ESPL1: variants seen among roughly 807,000 people sequenced by gnomAD.
ESPL1 encodes the protein separin.
In ESPL1, 50 loss-of-function variants were observed where a neutral mutation model predicts 217.2. That is an observed-to-expected ratio of 0.23 (90% confidence interval 0.18 to 0.29). The LOEUF (loss-of-function observed/expected upper bound fraction) is 0.29. ESPL1 is among the 10% of genes least tolerant of loss of function. The probability of loss-of-function intolerance (pLI) is 1.00; values close to 1 mark genes in which losing one functional copy is unlikely to be tolerated. For synonymous variants in ESPL1, 994 were observed against 1,081.3 expected (o/e 0.92, Z 1.58); for missense variants, 1,834 against 2,603.0 (o/e 0.70, Z 6.43).
chr12:53,277,644 A>T, intron 10 of ESPL1, 36 bp downstream of exon 10: 2 of 1,609,940 alleles, frequency 1.2e-6, no homozygotes, highest in East Asian at 4.5e-5. Context: ...GGGCATCTCC[A>T]TGGCTTCCTA....
chr12:53,289,069 A>C, intron 20 of ESPL1, 21 bp from the exon 21 acceptor site: 1 of 1,573,728 alleles, frequency 6.4e-7, no homozygotes, highest in East Asian at 2.2e-5. Context: ...AGCTGTACCA[A>C]GTGTCCTGAC....
At position 53,292,075 on chromosome 12, in the gene ESPL1, C is replaced by T; in HGVS notation, c.5783C>T (p.Ser1928Phe). The change falls in exon 27 of 31, where the codon TCC becomes TTC. Residue 1928 changes from serine (S) to phenylalanine (F), a missense_variant. Transcript: ENST00000257934. This position sits in a 1 kb window ranked among gnomAD's most constrained non-coding sequence, Gnocchi z 4.5. ...LPSFRFLLSY[S>F]IIKEYGASPV... ...TCCTTCCGCTTCCTACTCAGCTACT[C>T]CATCATCAAAGAGGTGGGGTTCAGG... is the stretch of plus-strand genomic sequence containing the variant. 1 of 1,613,518 alleles carries T rather than the reference C, an allele frequency of 6.2e-7. No homozygotes were observed. Among genetic ancestry groups the T allele is most frequent in the East Asian group, 2.2e-5 (1 of 44,870 alleles).
Position 53,293,025 on chromosome 12 carries a change from C to A in ESPL1, c.6161+55C>A. On this transcript the variant is annotated intron_variant, in intron 30 of 30. Transcript: ENST00000257934. This position sits in a 1 kb window ranked among gnomAD's most constrained non-coding sequence, Gnocchi z 4.2. The stretch of plus-strand genomic sequence containing the variant: ...GGGCATTAGGACTCCTGCCCTCACC[C>A]CAGGTTCTTTCCCAGGTCTGAATCT... 6.6e-7 allele frequency: 1 copy of A among 1,524,558 alleles called. No individual in the cohort carries two copies. The allele number at this position is 1,524,558 out of a possible 1,614,324, so 94.4% of individuals were successfully genotyped here.
chr12:53,277,782 C>T, intron 10 of ESPL1, 39 bp from the exon 11 acceptor site: 1 of 1,608,288 alleles, frequency 6.2e-7, no homozygotes, highest in Non-Finnish European at 8.5e-7. Flanking sequence ...TCCAGATGGC[C>T]CATGCTGAGA....
At position 53,286,818 on chromosome 12, in the gene ESPL1, C is replaced by A. The variant is rs777697721; in HGVS notation, c.4082C>A (p.Pro1361His). 2 of 1,614,108 alleles carry A rather than the reference C, an allele frequency of 1.2e-6. No homozygotes were observed. Among genetic ancestry groups the A allele is most frequent in the Non-Finnish European group, 1.7e-6 (2 of 1,180,036 alleles). ...DRIRQAGPHV[P>H]FTVFEEVCPT... ...ATCAGGCAAGCTGGCCCTCATGTCCCCTTCACGGTGTTTGAGGAAGTCTGC... is the reference window on the plus strand; with the variant it reads ...ATCAGGCAAGCTGGCCCTCATGTCCACTTCACGGTGTTTGAGGAAGTCTGC... The change falls in exon 18 of 31, where the codon CCC becomes CAC. Residue 1361 changes from proline to histidine, a missense_variant. Transcript: ENST00000257934. This position sits in a 1 kb window ranked among gnomAD's most constrained non-coding sequence, Gnocchi z 5.3.
In ESPL1 at chr12:53,283,437, G is replaced by A; in HGVS notation, c.2976G>A (p.Glu992=). The A allele has an allele frequency of 6.2e-7, 1 of 1,614,168 alleles. No homozygotes were observed. The highest frequency in any genetic ancestry group is 8.5e-7 in the Non-Finnish European group (1 of 1,179,994). Residue 992 remains glutamate, a synonymous_variant, in exon 16 of 31, where the codon GAG becomes GAA. Coordinates refer to ENST00000257934, the MANE Select transcript of ESPL1 (RefSeq NM_012291.5). The stretch of plus-strand genomic sequence containing the variant: ...TTTCAGAGGTGCTGAGCTGCTCAGA[G>A]AAGCTGGTCTGCCACCTGGGCCGCC... ...QVLSEVLSCS[E]KLVCHLGRLG...
intron 19 of ESPL1, 73 bp downstream of exon 19, chr12:53,288,414 T>C: frequency 2.0e-6 from 3 of 1,532,120 alleles, no homozygotes; most frequent in South Asian, 1.3e-5. Context: ...AAGCAGTAAG[T>C]GCTGCCAAGG....
At position 53,276,624 on chromosome 12, in the gene ESPL1, C is replaced by T; in HGVS notation, c.1705C>T (p.Leu569=). 6.2e-7 allele frequency: 1 copy of T among 1,609,434 alleles called. No individual in the cohort carries two copies. Among genetic ancestry groups the T allele is most frequent in the South Asian group, 1.1e-5 (1 of 90,470 alleles). Residue 569 remains leucine, a synonymous_variant, in exon 8 of 31, where the codon CTG becomes TTG. Coordinates refer to ENST00000257934, the MANE Select transcript of ESPL1 (RefSeq NM_012291.5). ...GCTGAGCATGCCCTCTCTCAGGACT[C>T]TGCGAGACAGCCTCAGTGGCTGGGA... is the stretch of plus-strand genomic sequence containing the variant. ...AGDKELQLKT[L]RDSLSGWDPE... is the part of the protein sequence containing the mutation.
At chr12:53,285,347 T>C (rs1943929866) in intron 17 of ESPL1, among the ~76,000 whole-genome samples, 1 of 152,184 alleles carries the variant, frequency 6.6e-6, no homozygotes, top group Non-Finnish European at 1.5e-5. Flanking sequence ...GAGGCAGGAT[T>C]CAGGTGTGGG....
At chr12:53,273,033 A>ATTTT (rs1287601708) in intron 6 of ESPL1, among the ~76,000 whole-genome samples, 176 bp downstream of exon 6, 3 of 122,928 alleles carry the variant, frequency 2.4e-5, no homozygotes, top group Admixed American at 8.4e-5. Flanking sequence ...CTGTTGACTC[A>ATTTT]TTTTTTTTTT....
Position 53,274,887 on chromosome 12 carries a change from T to C in ESPL1, c.1577T>C (p.Met526Thr), listed in dbSNP as rs200381228. Reference protein sequence around the residue: ...KLGKQAQGCKMVILWLAALQP... With the variant: ...KLGKQAQGCKTVILWLAALQP... ...GGTAAACAGGCCCAGGGCTGCAAGA[T>C]GGTGATTTTGTGGCTGGCAGCCCTG... The change falls in exon 7 of 31, where the codon ATG becomes ACG. Residue 526 changes from methionine (M) to threonine (T), a missense_variant. This residue lies in a region of ESPL1 where 746 missense variants were observed against 1,077.0 expected (regional missense o/e 0.69). Coordinates refer to ENST00000257934, the MANE Select transcript of ESPL1 (RefSeq NM_012291.5). The C allele has an allele frequency of 8.1e-5, 131 of 1,613,842 alleles. No homozygotes were observed. Among genetic ancestry groups the C allele is most frequent in the Non-Finnish European group, 1.1e-4 (124 of 1,179,864 alleles).
At chr12:53,289,351 A>C in intron 21 of ESPL1, 48 bp downstream of exon 21, 1 of 1,610,898 alleles carries the variant, frequency 6.2e-7, no homozygotes, top group Non-Finnish European at 8.5e-7. Flanking sequence ...GACTAGAGAG[A>C]AGGTCCAGAC....
intron 17 of ESPL1, among the ~76,000 whole-genome samples, chr12:53,284,612 C>T (rs1052393086): frequency 6.6e-6 from 1 of 152,116 alleles, no homozygotes; most frequent in African/African-American, 2.4e-5. Context: ...ATTCCCTTGA[C>T]TTTAGTCCAA....
At position 53,292,919 on chromosome 12, in the gene ESPL1, G is replaced by A. The variant is rs1056685; in HGVS notation, c.6110G>A (p.Arg2037His). 1,604,129 of 1,613,944 alleles carry A rather than the reference G, an allele frequency of 0.99. 797,650 individuals are homozygous for A. The highest frequency in any genetic ancestry group is 1 in the East Asian group (44,874 of 44,874). The change falls in exon 30 of 31, where the codon CGT (arginine) becomes CAT (histidine). Residue 2037 changes from arginine (R) to histidine (H), a missense_variant. Physicochemically the swap from Arg to His is conservative, Grantham distance 29 (BLOSUM62 0). Coordinates refer to ENST00000257934, the MANE Select transcript of ESPL1 (RefSeq NM_012291.5). The surrounding 1 kb of genome is among the most constrained non-coding windows in gnomAD (Gnocchi z 4.5). Reference sequence around the variant, plus strand: ...TGTAGCAGTGCGGCCCTGGCTGTGCGTGGAAACCTGGAGGGGGCTGGCATC... The same window carrying A: ...TGTAGCAGTGCGGCCCTGGCTGTGCATGGAAACCTGGAGGGGGCTGGCATC... ...FGCSSAALAV[R>H]GNLEGAGIVL... is the part of the protein sequence containing the mutation.
Position 53,279,795 on chromosome 12 carries a change from T to C in ESPL1, c.2428T>C (p.Ser810Pro), listed in dbSNP as rs1943831229. The change falls in exon 12 of 31, where the codon TCG becomes CCG. Residue 810 changes from serine to proline, a missense_variant. Ser to Pro is a moderately conservative substitution (Grantham distance 74). This residue lies in a region of ESPL1 where 746 missense variants were observed against 1,077.0 expected (regional missense o/e 0.69). Coordinates refer to ENST00000257934, the MANE Select transcript of ESPL1 (RefSeq NM_012291.5). ...RIVSERLKDH[S>P]KAAGSSCHIT... ...TGTCTCTGAGAGACTGAAGGACCAC[T>C]CGAAGGCAGCTGGCTCCTCCTGCCA... The C allele has an allele frequency of 1.2e-6, 2 of 1,613,670 alleles. No individual in the cohort carries two copies. Among genetic ancestry groups the C allele is most frequent in the South Asian group, 1.1e-5 (1 of 91,072 alleles).
At chr12:53,273,687 A>T (rs1367901768) in intron 6 of ESPL1, among the ~76,000 whole-genome samples, 3 of 151,172 alleles carry the variant, frequency 2.0e-5, no homozygotes, top group Non-Finnish European at 4.4e-5. Context: ...TGAACCCAGG[A>T]GGTGGAGTTT....
Position 53,276,636 on chromosome 12 carries a change from C to G in ESPL1, c.1717C>G (p.Leu573Val). 3.7e-6 allele frequency: 6 copies of G among 1,612,404 alleles called. No homozygotes were observed. The highest frequency in any genetic ancestry group is 5.1e-6 in the Non-Finnish European group (6 of 1,179,592). The change falls in exon 8 of 31, where the codon CTC becomes GTC. Residue 573 changes from leucine to valine, a missense_variant. By Grantham distance (32) the Leu-to-Val change is conservative. Coordinates refer to ENST00000257934, the MANE Select transcript of ESPL1 (RefSeq NM_012291.5). ...ELQLKTLRDS[L>V]SGWDPETLAL... Reference sequence around the variant, plus strand: ...CTCTCTCAGGACTCTGCGAGACAGCCTCAGTGGCTGGGACCCGGAGACCCT... The same window carrying G: ...CTCTCTCAGGACTCTGCGAGACAGCGTCAGTGGCTGGGACCCGGAGACCCT...
At chr12:53,290,798 C>T in intron 24 of ESPL1, 43 bp from the exon 25 acceptor site, 1 of 1,044,532 alleles carries the variant, frequency 9.6e-7, no homozygotes, top group Non-Finnish European at 1.2e-6. Context: ...GAGAAAGAAG[C>T]TTGGTTTCCT....
At chr12:53,291,906 CCAACT>C in intron 26 of ESPL1, 46 bp downstream of exon 26, 1 of 1,588,624 alleles carries the variant, frequency 6.3e-7, no homozygotes, top group East Asian at 2.2e-5. Context: ...GGAGTGAATA[CCAACT>C]CATCCCCATG....
Sources: gnomAD v4.1 joint callset for allele counts (sites outside exome capture counted in the v4.1 genomes callset) on GRCh38, gnomAD v4.1.1 for gene constraint, gnomAD v4.1.1 regional missense constraint, Gnocchi (gnomAD v3.1) non-coding constraint, MANE v1.5 for transcripts, NCBI Gene and HGNC (gene_info 2026-07-23, HGNC 2026-07-21) for gene names.